Variants in PIWIL2 observed in about 807,000 individuals in gnomAD.
The protein encoded by PIWIL2 is piwi-like protein 2.
Under a neutral mutation model 116.5 loss-of-function variants are expected in PIWIL2, and 81 were observed. The ratio of observed to expected loss-of-function variants is 0.70; its 90% CI spans 0.58 to 0.84. The LOEUF (loss-of-function observed/expected upper bound fraction) is 0.84. Ranked by LOEUF, PIWIL2 falls within the 40% of genes least tolerant of loss-of-function variation. The probability of loss-of-function intolerance (pLI) is 0.00; values close to 1 mark genes in which losing one functional copy is unlikely to be tolerated. For missense variants in PIWIL2, 1,272 were observed against 1,212.3 expected, an observed-to-expected ratio of 1.05 and a Z score of -0.73; for synonymous variants, 489 against 429.5, an observed-to-expected ratio of 1.14 and a Z score of -1.71.
intron 20 of PIWIL2, among the ~76,000 whole-genome samples, chr8:22,350,294 A>T (rs1020702135): frequency 1.4e-4 from 21 of 151,984 alleles, no homozygotes; most frequent in African/African-American, 4.8e-4. Context: ...GCCAAAAAAA[A>T]TTTTTTTAAG....
At chr8:22,329,676 C>A (rs1009929455) in intron 20 of PIWIL2, among the ~76,000 whole-genome samples, 2 of 152,326 alleles carry the variant, frequency 1.3e-5, no homozygotes, top group South Asian at 4.1e-4. Flanking sequence ...TTGGCAGGGA[C>A]ACACATTCAG....
intron 20 of PIWIL2, among the ~76,000 whole-genome samples, chr8:22,329,079 G>T (rs1443492010): frequency 6.6e-6 from 1 of 151,984 alleles, no homozygotes; most frequent in Non-Finnish European, 1.5e-5. Flanking sequence ...TTTCACCATT[G>T]TATATGATGT....
intron 17 of PIWIL2, among the ~76,000 whole-genome samples, chr8:22,314,663 C>A (rs1831412406): frequency 6.6e-6 from 1 of 152,104 alleles, no homozygotes; most frequent in Non-Finnish European, 1.5e-5. Flanking sequence ...GGTTGAGTCA[C>A]CAGGTGGTTT....
chr8:22,298,216 C>T (rs1178137394), intron 10 of PIWIL2, among the ~76,000 whole-genome samples: 3 of 151,606 alleles, frequency 2.0e-5, no homozygotes, highest in East Asian at 1.9e-4. Context: ...GAGCCATAAT[C>T]GCACCACTGC....
At chr8:22,308,517 G>A (rs6991985) in intron 14 of PIWIL2, among the ~76,000 whole-genome samples, 11 of 152,018 alleles carry the variant, frequency 7.2e-5, no homozygotes, top group African/African-American at 1.7e-4. Context: ...GCTGAGTGTC[G>A]AGGCACGAGC....
At chr8:22,321,525 T>C (rs999203726) in intron 20 of PIWIL2, among the ~76,000 whole-genome samples, 4 of 152,124 alleles carry the variant, frequency 2.6e-5, no homozygotes, top group African/African-American at 4.8e-5. Context: ...TTAAACTGTT[T>C]TGCAAAATGA....
intron 20 of PIWIL2, among the ~76,000 whole-genome samples, chr8:22,352,623 G>A (rs1017272414): frequency 6.6e-6 from 1 of 152,152 alleles, no homozygotes; most frequent in East Asian, 1.9e-4. Flanking sequence ...AATCCAAGTA[G>A]AAGGAAAATT....
In PIWIL2 at chr8:22,309,984, G is replaced by A; in HGVS notation, c.1710G>A (p.Met570Ile). Residue 570 changes from methionine to isoleucine, a missense_variant, in exon 15 of 23, where the codon ATG becomes ATA. Physicochemically the swap from Met to Ile is conservative, Grantham distance 10. Transcript: ENST00000356766. The part of the protein sequence containing the change: ...VHKIEGRVLP[M>I]ERINLKNTSF... ...AGATTGAAGGACGTGTTCTGCCAAT[G>A]GAAAGAATTAACTTAAAAAATACTT... The A allele has an allele frequency of 6.2e-7, 1 of 1,607,614 alleles. No homozygotes were observed. The highest frequency in any genetic ancestry group is 8.5e-7 in the Non-Finnish European group (1 of 1,174,220).
Position 22,303,571 on chromosome 8 carries a change from T to C in PIWIL2, c.1182-450T>C, listed in dbSNP as rs77538739. On this transcript the variant is annotated intron_variant, in intron 10 of 22. Coordinates refer to ENST00000356766, the MANE Select transcript of PIWIL2 (RefSeq NM_018068.5). Reference sequence around the variant, plus strand: ...CACTACACCTGGCTAATTTTTTAAGTTTTTTAGAGATGGGGTCTCGCCATG... The same window carrying C: ...CACTACACCTGGCTAATTTTTTAAGCTTTTTAGAGATGGGGTCTCGCCATG... Among the ~76,000 whole-genome samples the C allele has an allele frequency of 2.7e-3, 405 of 152,088 alleles. 1 individual carries two copies. The highest frequency in any genetic ancestry group is 9.4e-3 in the African/African-American group (388 of 41,480).
At chr8:22,279,832 C>T (rs1353483179) in intron 2 of PIWIL2, among the ~76,000 whole-genome samples, 1 of 152,126 alleles carries the variant, frequency 6.6e-6, no homozygotes, top group Non-Finnish European at 1.5e-5. Flanking sequence ...TGGCGGGTAC[C>T]TGTAATCCCA....
At chr8:22,327,376 T>G (rs1831750045) in intron 20 of PIWIL2, among the ~76,000 whole-genome samples, 2 of 149,954 alleles carry the variant, frequency 1.3e-5, no homozygotes, top group South Asian at 2.1e-4. Context: ...TTCGTTTTTT[T>G]TTTTTTTTGA....
At chr8:22,307,736 C>T (rs1032032206) in intron 13 of PIWIL2, among the ~76,000 whole-genome samples, 197 bp from the exon 14 acceptor site, 3 of 152,070 alleles carry the variant, frequency 2.0e-5, no homozygotes, top group Admixed American at 1.3e-4. Flanking sequence ...ATCCACCCAC[C>T]TCATCCTTCC....
chr8:22,351,440 CATATATAT>C (rs71544885), intron 20 of PIWIL2, among the ~76,000 whole-genome samples: 4,787 of 52,722 alleles, frequency 0.091, 233 homozygotes, highest in Non-Finnish European at 0.13. Flanking sequence ...TGCATACATA[CATATATAT>C]ATATATATAT....
At chr8:22,324,408 A>G (rs1425410290) in intron 20 of PIWIL2, among the ~76,000 whole-genome samples, 4 of 152,038 alleles carry the variant, frequency 2.6e-5, no homozygotes, top group Non-Finnish European at 5.9e-5. Context: ...GCTGATCTAG[A>G]CTGCCGGCAG....
At chr8:22,327,369 G>GT (rs1170780921) in intron 20 of PIWIL2, among the ~76,000 whole-genome samples, 7,456 of 117,458 alleles carry the variant, frequency 0.063, 295 homozygotes, top group African/African-American at 0.1. Context: ...TTTTTGTTTC[G>GT]TTTTTTTTTT....
At chr8:22,283,526 A>G (rs1830561096) in intron 5 of PIWIL2, among the ~76,000 whole-genome samples, 1 of 152,182 alleles carries the variant, frequency 6.6e-6, no homozygotes, top group Non-Finnish European at 1.5e-5. Context: ...CCCCTGCCTC[A>G]ACCTCCCAAG....
intron 19 of PIWIL2, among the ~76,000 whole-genome samples, chr8:22,317,222 G>A (rs1831481391): frequency 6.6e-6 from 1 of 152,164 alleles, no homozygotes; most frequent in Admixed American, 6.5e-5. Context: ...TGTTCCAACT[G>A]TAAAAATAAG....
chr8:22,328,863 G>A (rs1831794209), intron 20 of PIWIL2, among the ~76,000 whole-genome samples: 1 of 129,934 alleles, frequency 7.7e-6, no homozygotes, highest in Admixed American at 8.5e-5. Flanking sequence ...TCTAGATACA[G>A]AATAATGTCA....
intron 10 of PIWIL2, among the ~76,000 whole-genome samples, chr8:22,298,044 C>T (rs867974069): frequency 3.3e-5 from 5 of 152,036 alleles, no homozygotes; most frequent in Non-Finnish European, 7.4e-5. Context: ...ATTGGTTGAG[C>T]CCAAGAGTTC....
Sources: allele counts gnomAD v4.1 joint callset (sites outside exome capture counted in the v4.1 genomes callset), GRCh38; gene constraint gnomAD v4.1.1; transcripts MANE v1.5; gene names NCBI Gene and HGNC (gene_info 2026-07-23, HGNC 2026-07-21).